AGBL4: variants seen among roughly 807,000 people sequenced by gnomAD.
The protein encoded by AGBL4 is cytosolic carboxypeptidase 6.
In AGBL4, 58 loss-of-function variants were observed where a neutral mutation model predicts 66.4. That is an observed-to-expected ratio of 0.87 (90% confidence interval 0.71 to 1.09). AGBL4 has a LOEUF of 1.09. Ranked by LOEUF, AGBL4 falls within the 50% of genes least tolerant of loss-of-function variation. The probability of loss-of-function intolerance (pLI) is 0.00; values close to 1 mark genes in which losing one functional copy is unlikely to be tolerated. For synonymous variants in AGBL4, 234 were observed against 222.9 expected (o/e 1.05, Z -0.44); for missense variants, 579 against 631.0 (o/e 0.92, Z 0.88).
intron 3 of AGBL4, among the ~76,000 whole-genome samples, chr1:49,564,287 T>G (rs1420120336): frequency 6.6e-6 from 1 of 152,214 alleles, no homozygotes; most frequent in Non-Finnish European, 1.5e-5. Flanking sequence ...TTTGAAGGGC[T>G]TTTTGTGTCT....
intron 3 of AGBL4, among the ~76,000 whole-genome samples, chr1:49,570,338 G>A (rs557619581): frequency 1.3e-5 from 2 of 152,092 alleles, no homozygotes; most frequent in South Asian, 4.1e-4. Flanking sequence ...GTGATGTTCA[G>A]CATGCTAAAA....
intron 5 of AGBL4, among the ~76,000 whole-genome samples, chr1:49,036,704 C>G (rs1259185792): frequency 1.3e-5 from 2 of 150,828 alleles, no homozygotes; most frequent in African/African-American, 4.9e-5. Flanking sequence ...TCTACAGGCA[C>G]ACACCACCAT....
At chr1:49,144,502 C>T in intron 4 of AGBL4, among the ~76,000 whole-genome samples, 1 of 149,938 alleles carries the variant, frequency 6.7e-6, no homozygotes, top group South Asian at 2.1e-4. Context: ...CACTTCTGTG[C>T]AATCCTATTC....
At chr1:49,874,459 A>C (rs1646921837) in intron 1 of AGBL4, among the ~76,000 whole-genome samples, 1 of 152,110 alleles carries the variant, frequency 6.6e-6, no homozygotes, top group Admixed American at 6.6e-5. Flanking sequence ...TATGCTAAAA[A>C]ACCCAATAAA....
At chr1:48,579,403 T>C (rs1232668715) in intron 11 of AGBL4, among the ~76,000 whole-genome samples, 1 of 149,434 alleles carries the variant, frequency 6.7e-6, no homozygotes, top group African/African-American at 2.5e-5. Context: ...ATTTTGTTGT[T>C]GTTTTTGTTG....
chr1:49,782,912 T>C (rs1258686562), intron 2 of AGBL4, among the ~76,000 whole-genome samples: 1 of 152,154 alleles, frequency 6.6e-6, no homozygotes, highest in Non-Finnish European at 1.5e-5. Flanking sequence ...AATTTCTGTT[T>C]ATTGCAAATT....
chr1:49,671,819 A>G (rs866146349), intron 3 of AGBL4, among the ~76,000 whole-genome samples: 3 of 152,220 alleles, frequency 2.0e-5, no homozygotes, highest in African/African-American at 7.2e-5. Flanking sequence ...GCTACTAATT[A>G]AAAGTCAAAA....
chr1:49,478,896 T>C (rs1646898060), intron 3 of AGBL4, among the ~76,000 whole-genome samples: 1 of 151,624 alleles, frequency 6.6e-6, no homozygotes, highest in Non-Finnish European at 1.5e-5. Context: ...TGTTTGTTTA[T>C]GCAGAGTTAA....
chr1:48,562,873 C>T (rs1644416517), intron 11 of AGBL4, among the ~76,000 whole-genome samples: 1 of 152,158 alleles, frequency 6.6e-6, no homozygotes, highest in Non-Finnish European at 1.5e-5. Context: ...AGGTACCATG[C>T]TAGACACTGG....
At chr1:48,687,853 C>T (rs1373155326) in intron 6 of AGBL4, among the ~76,000 whole-genome samples, 2 of 152,226 alleles carry the variant, frequency 1.3e-5, no homozygotes, top group Non-Finnish European at 2.9e-5. Context: ...TGGCAGGCTT[C>T]CCTGAAGTTT....
chr1:49,554,130 C>G (rs1330337202), intron 3 of AGBL4, among the ~76,000 whole-genome samples: 2 of 152,094 alleles, frequency 1.3e-5, no homozygotes, highest in South Asian at 2.1e-4. Context: ...AAGATCCTGT[C>G]TAGAAACACA....
At chr1:48,645,345 G>C (rs1233829708) in intron 8 of AGBL4, among the ~76,000 whole-genome samples, 1 of 152,130 alleles carries the variant, frequency 6.6e-6, no homozygotes, top group African/African-American at 2.4e-5. Context: ...GCCTCTCTGT[G>C]GCTTGGTTTC....
At chr1:49,845,186 T>G in intron 2 of AGBL4, 1 of 1,432,824 alleles carries the variant, frequency 7.0e-7, no homozygotes, top group Non-Finnish European at 9.8e-7. Flanking sequence ...GGAAAAGTCT[T>G]CCGAAACAGC....
At chr1:49,236,176 C>A (rs901689695) in intron 4 of AGBL4, among the ~76,000 whole-genome samples, 11 of 151,948 alleles carry the variant, frequency 7.2e-5, no homozygotes, top group African/African-American at 1.4e-4. Flanking sequence ...ATTATAGGTG[C>A]CCACCACCAT....
At chr1:49,011,638 C>A (rs1662423939) in intron 5 of AGBL4, among the ~76,000 whole-genome samples, 1 of 152,094 alleles carries the variant, frequency 6.6e-6, no homozygotes, top group African/African-American at 2.4e-5. Context: ...ACCCAAATGT[C>A]CAACAATGAT....
chr1:48,874,747 G>A (rs1649052082), intron 5 of AGBL4, among the ~76,000 whole-genome samples: 3 of 152,142 alleles, frequency 2.0e-5, no homozygotes, highest in Admixed American at 6.5e-5. Context: ...GGAGGAAGGA[G>A]TGGGGAGGGG....
At chr1:49,686,951 A>G (rs1463266436) in intron 3 of AGBL4, among the ~76,000 whole-genome samples, 1 of 152,208 alleles carries the variant, frequency 6.6e-6, no homozygotes, top group African/African-American at 2.4e-5. Flanking sequence ...CATTACAGGA[A>G]AAATACAGTA....
At chr1:49,876,256 G>A (rs1378175043) in intron 1 of AGBL4, among the ~76,000 whole-genome samples, 7 of 81,324 alleles carry the variant, frequency 8.6e-5, no homozygotes, top group Middle Eastern at 4.4e-3. Flanking sequence ...GAATGGTAAT[G>A]CCTAGGTTTT....
At chr1:48,689,407 T>A (rs143399808) in intron 6 of AGBL4, among the ~76,000 whole-genome samples, 33 of 139,984 alleles carry the variant, frequency 2.4e-4, no homozygotes, top group African/African-American at 5.4e-4. Flanking sequence ...CTACCTACCT[T>A]CCTTCCTTCC....
Sources: gnomAD v4.1 joint callset for allele counts (sites outside exome capture counted in the v4.1 genomes callset) on GRCh38, gnomAD v4.1.1 for gene constraint, MANE v1.5 for transcripts, NCBI Gene and HGNC (gene_info 2026-07-23, HGNC 2026-07-21) for gene names.